The following SAMSN1 variants were observed in gnomAD, a reference collection of about 807,000 sequenced individuals.
The protein encoded by SAMSN1 is SAM domain, SH3 domain and nuclear localization signals 1, also known as SAM domain-containing protein SAMSN-1.
In SAMSN1, 31 loss-of-function variants were observed where a neutral mutation model predicts 42.0. That is an observed-to-expected ratio of 0.74 (90% CI 0.55 to 1.00). SAMSN1 has a LOEUF of 1.00. Ranked by LOEUF, SAMSN1 falls within the 50% of genes least tolerant of loss-of-function variation. The pLI is 0.00. For synonymous variants in SAMSN1, 178 were observed against 151.9 expected (o/e 1.17, Z -1.26); for missense variants, 464 against 439.4 (o/e 1.06, Z -0.50).
chr21:14,631,919 G>A (rs1335531920), intron 2 of SAMSN1, among the ~76,000 whole-genome samples: 1 of 151,972 alleles, frequency 6.6e-6, no homozygotes, highest in Non-Finnish European at 1.5e-5. Flanking sequence ...ATAAGAAGAG[G>A]AAGAGAAGAA....
chr21:14,606,326 A>G lies in SAMSN1; in HGVS notation c.322+3156T>C, dbSNP rs577196864. ...CACTGATTGATTGAAAAATTTCTGA[A>G]TCTCCAAATATGTTTTGTTTCCTTT... is the stretch of plus-strand genomic sequence containing the variant. On this transcript the variant is annotated intron_variant, in intron 5 of 15. Transcript: ENST00000647101. Among the ~76,000 whole-genome samples, 224 of 152,114 alleles carry G rather than the reference A, an allele frequency of 1.5e-3. 1 individual carries two copies. Among genetic ancestry groups the G allele is most frequent in the African/African-American group, 5.3e-3 (219 of 41,504 alleles).
At chr21:14,615,540 A>T (rs1247032922) in intron 3 of SAMSN1, among the ~76,000 whole-genome samples, 2 of 152,148 alleles carry the variant, frequency 1.3e-5, no homozygotes, top group Non-Finnish European at 2.9e-5. Context: ...ACCTTATGCA[A>T]CATGTGTATG....
intron 2 of SAMSN1, among the ~76,000 whole-genome samples, chr21:14,625,048 G>A (rs1600971212): frequency 6.6e-6 from 1 of 152,182 alleles, no homozygotes; most frequent in East Asian, 1.9e-4. Flanking sequence ...CTCAATAGAT[G>A]CAGAAAAGGC....
chr21:14,612,547 TA>T, intron 4 of SAMSN1: 1 of 466,666 alleles, frequency 2.1e-6, no homozygotes, highest in Admixed American at 2.8e-5. Context: ...TTCACAGATC[TA>T]AAATGATCTC....
intron 5 of SAMSN1, among the ~76,000 whole-genome samples, chr21:14,602,424 C>T (rs1982460864): frequency 6.6e-6 from 1 of 152,126 alleles, no homozygotes; most frequent in Admixed American, 6.5e-5. Context: ...CTTCAACATG[C>T]TATGACTCCA....
rs143954627 is a variant in SAMSN1, at chr21:14,528,203, G to A, written c.58-6982C>T. ...TTGTTTTCCCTATTGTGAAACTTCT[G>A]CTTGGCCTACTCACTCCTATAAAAT... On this transcript the variant is annotated intron_variant, in intron 1 of 7. Coordinates refer to ENST00000400566, the MANE Select transcript of SAMSN1 (RefSeq NM_022136.5). 2.3e-3 allele frequency among the ~76,000 whole-genome samples: 352 copies of A among 152,080 alleles called. 1 individual carries two copies. The highest frequency in any genetic ancestry group is 6.6e-3 in the African/African-American group (272 of 41,488).
chr21:14,513,680 C>A (rs968018353), intron 3 of SAMSN1, among the ~76,000 whole-genome samples: 1 of 152,136 alleles, frequency 6.6e-6, no homozygotes, highest in Non-Finnish European at 1.5e-5. Flanking sequence ...AATGGAGTAT[C>A]CTCCAAAGAC....
chr21:14,656,197 T>C (rs758445793), intron 1 of SAMSN1, among the ~76,000 whole-genome samples: 5 of 151,824 alleles, frequency 3.3e-5, no homozygotes, highest in Non-Finnish European at 5.9e-5. Context: ...ATTCATATAA[T>C]TTGACAATAT....
chr21:14,631,319 A>G (rs1246002548), intron 2 of SAMSN1, among the ~76,000 whole-genome samples: 1 of 152,220 alleles, frequency 6.6e-6, no homozygotes, highest in Non-Finnish European at 1.5e-5. Flanking sequence ...CCTGATAATT[A>G]AGAGGTAACA....
intron 7 of SAMSN1, among the ~76,000 whole-genome samples, chr21:14,493,464 G>A (rs1353694855): frequency 2.0e-5 from 3 of 151,992 alleles, no homozygotes; most frequent in Non-Finnish European, 1.5e-5. Context: ...TGAGGAACAA[G>A]TGCAGAATAA....
intron 1 of SAMSN1, among the ~76,000 whole-genome samples, chr21:14,539,852 A>G (rs1979889190): frequency 6.6e-6 from 1 of 152,208 alleles, no homozygotes; most frequent in African/African-American, 2.4e-5. Flanking sequence ...CCTAAGCCAG[A>G]AGAACAAAGC....
rs1273934668 is a variant in SAMSN1 at position 14,643,001 on chromosome 21, C to T, written c.156+1G>A. 5.6e-6 allele frequency: 4 copies of T among 717,128 alleles called. No homozygotes were observed. The highest frequency in any genetic ancestry group is 1.5e-5 in the South Asian group (1 of 67,576). The allele number at this position is 717,128 out of a possible 1,614,324, so 44.4% of individuals were successfully genotyped here. A position where few individuals can be genotyped will look rare whatever the true frequency, so the allele number is the denominator to read the frequency against. ...TCCACTCCAGTCAATGCTTCACTCA[C>T]CACGAAGAGATTGTTTGGTGTTTGT... On this transcript the variant is annotated splice_donor_variant, in intron 2 of 15. Transcript: ENST00000647101. LOFTEE classifies it high-confidence loss of function.
intron 2 of SAMSN1, among the ~76,000 whole-genome samples, chr21:14,625,499 G>A (rs922273337): frequency 1.3e-5 from 2 of 152,120 alleles, no homozygotes; most frequent in Non-Finnish European, 2.9e-5. Flanking sequence ...CAAACAGAGA[G>A]CCAAATCATG....
chr21:14,592,347 T>C (rs1982111455), intron 7 of SAMSN1: 1 of 152,554 alleles, frequency 6.6e-6, no homozygotes, highest in African/African-American at 2.4e-5. Context: ...AATGGAAAAT[T>C]ACACAGTAAA....
intron 3 of SAMSN1, among the ~76,000 whole-genome samples, chr21:14,514,668 C>T (rs1167042551): frequency 1.3e-5 from 2 of 152,028 alleles, no homozygotes; most frequent in African/African-American, 2.4e-5. Context: ...TCTTTTCTTC[C>T]TATTTTTTAT....
At chr21:14,644,744 G>A (rs958511880) in intron 1 of SAMSN1, among the ~76,000 whole-genome samples, 4 of 152,080 alleles carry the variant, frequency 2.6e-5, no homozygotes, top group Non-Finnish European at 5.9e-5. Flanking sequence ...AGGACTGTAT[G>A]CTTGGATGGC....
At chr21:14,566,326 T>C (rs1981115342) in intron 2 of SAMSN1, among the ~76,000 whole-genome samples, 1 of 152,168 alleles carries the variant, frequency 6.6e-6, no homozygotes, top group Non-Finnish European at 1.5e-5. Flanking sequence ...AACATAAGTA[T>C]TTCAAAATCA....
chr21:14,501,142 TA>T (rs887154407), intron 5 of SAMSN1, among the ~76,000 whole-genome samples: 2 of 151,964 alleles, frequency 1.3e-5, no homozygotes, highest in Non-Finnish European at 2.9e-5. Context: ...GATCCTATCT[TA>T]AAAAAAATTC....
At chr21:14,493,574 A>AACACACACACAC (rs201460166) in intron 7 of SAMSN1, among the ~76,000 whole-genome samples, 371 of 102,302 alleles carry the variant, frequency 3.6e-3, no homozygotes, top group Middle Eastern at 0.015. Flanking sequence ...TTTATGGAAC[A>AACACACACACAC]ACACACACAC....
Sources: gnomAD v4.1 joint callset for allele counts (sites outside exome capture counted in the v4.1 genomes callset) on GRCh38, gnomAD v4.1.1 for gene constraint, MANE v1.5 for transcripts, NCBI Gene and HGNC (gene_info 2026-07-23, HGNC 2026-07-21) for gene names.